Variants in SLC26A8 observed in about 807,000 individuals in gnomAD.
The protein encoded by SLC26A8 is solute carrier family 26 member 8.
A neutral mutation model predicts 105.0 loss-of-function variants in SLC26A8; 70 were observed. That is an observed-to-expected ratio of 0.67 (90% CI 0.55 to 0.81). SLC26A8 has a LOEUF of 0.81. Among genes scored for constraint, SLC26A8 ranks in the 40% least tolerant of loss-of-function variants. The pLI, the probability that SLC26A8 is intolerant of heterozygous loss-of-function variation, is 0.00. For missense variants in SLC26A8, 998 were observed against 1,181.8 expected (o/e 0.84, Z 2.28); for synonymous variants, 415 against 438.3 (o/e 0.95, Z 0.66).
chr6:35,987,164 G>A (rs182830328), intron 7 of SLC26A8, among the ~76,000 whole-genome samples: 90 of 152,342 alleles, frequency 5.9e-4, no homozygotes, highest in African/African-American at 1.9e-3. Flanking sequence ...TCCCAAGGCA[G>A]TATTTTTCAA....
intron 7 of SLC26A8, among the ~76,000 whole-genome samples, chr6:35,991,411 A>AC (rs1474875249): frequency 6.6e-6 from 1 of 152,026 alleles, no homozygotes; most frequent in Non-Finnish European, 1.5e-5. Context: ...CAAAAAAAAA[A>AC]AAAAAAAAAA....
intron 16 of SLC26A8, among the ~76,000 whole-genome samples, chr6:35,959,252 C>G (rs1772213652): frequency 6.6e-6 from 1 of 152,064 alleles, no homozygotes; most frequent in African/African-American, 2.4e-5. Context: ...CTTGTGAAAA[C>G]CTGAACCTCA....
chr6:35,968,976 G>C (rs1193704193), intron 10 of SLC26A8, 22 bp from the exon 11 acceptor site: 7 of 1,607,512 alleles, frequency 4.4e-6, no homozygotes, highest in African/African-American at 1.3e-5. Flanking sequence ...GAGCCAGTTG[G>C]AGAGAAACCA....
In SLC26A8 at chr6:35,947,598, A is replaced by C. The variant is rs181410750; in HGVS notation, c.2473-3258T>G. Among the ~76,000 whole-genome samples the C allele has an allele frequency of 2.0e-3, 308 of 152,310 alleles. 2 individuals carry two copies. Among genetic ancestry groups the C allele is most frequent in the Non-Finnish European group, 5.1e-4 (35 of 68,014 alleles). On this transcript the variant is annotated intron_variant, in intron 19 of 19. Coordinates refer to ENST00000490799, the MANE Select transcript of SLC26A8 (RefSeq NM_052961.4). Reference sequence around the variant, plus strand: ...GTAGCCAAATAATTTAATAAAAACCAATGAGTTTCCTATATGTTAGCAATT... The same window carrying C: ...GTAGCCAAATAATTTAATAAAAACCCATGAGTTTCCTATATGTTAGCAATT...
chr6:35,979,007 A>ATTTTTTTTTTTTTTTTTT (rs34335766), intron 8 of SLC26A8, among the ~76,000 whole-genome samples: 1 of 98,306 alleles, frequency 1.0e-5, no homozygotes, highest in African/African-American at 4.0e-5. Flanking sequence ...CACCTGGCTA[A>ATTTTTTTTTTTTTTTTTT]TTTTTTTTTT....
intron 19 of SLC26A8, among the ~76,000 whole-genome samples, chr6:35,945,885 A>T (rs947185411): frequency 6.6e-6 from 1 of 152,030 alleles, no homozygotes; most frequent in African/African-American, 2.4e-5. Flanking sequence ...CCTCAAAATT[A>T]ATCACTTCAA....
intron 6 of SLC26A8, 106 bp from the exon 7 acceptor site, chr6:35,991,914 T>G (rs1266621903): frequency 8.5e-7 from 1 of 1,182,276 alleles, no homozygotes; most frequent in Non-Finnish European, 1.1e-6. Flanking sequence ...CAAGTAGAGT[T>G]TCTGGGTACA....
chr6:36,023,546 C>CAAAA (rs59633591), intron 1 of SLC26A8, among the ~76,000 whole-genome samples: 1 of 63,516 alleles, frequency 1.6e-5, no homozygotes, highest in African/African-American at 5.7e-5. Flanking sequence ...GACTCTGTCT[C>CAAAA]AAAAAAAAAA....
chr6:36,005,773 A>G (rs1761668364), intron 3 of SLC26A8, among the ~76,000 whole-genome samples: 1 of 152,178 alleles, frequency 6.6e-6, no homozygotes, highest in South Asian at 2.1e-4. Context: ...CCTGTTTCTT[A>G]GTTTGCAAAT....
chr6:35,985,692 CAAAAAAA>C (rs58199602), intron 7 of SLC26A8, among the ~76,000 whole-genome samples: 3 of 46,920 alleles, frequency 6.4e-5, no homozygotes, highest in Non-Finnish European at 7.9e-5. Flanking sequence ...GACTCCGTCT[CAAAAAAA>C]AAAAAAAAAA....
At chr6:35,959,308 G>T in intron 16 of SLC26A8, 152 bp downstream of exon 16, 2 of 838,762 alleles carry the variant, frequency 2.4e-6, no homozygotes, top group Non-Finnish European at 1.7e-6. Flanking sequence ...CCTCCAAGGT[G>T]AGAGGAACCT....
intron 3 of SLC26A8, among the ~76,000 whole-genome samples, chr6:36,009,940 T>C (rs1368226924): frequency 6.6e-6 from 1 of 152,180 alleles, no homozygotes; most frequent in Non-Finnish European, 1.5e-5. Flanking sequence ...TTTAAAAATA[T>C]TGACAATATC....
rs1423266005 is a variant in SLC26A8 at position 35,951,347 on chromosome 6, G to T, written c.2288C>A (p.Ser763Tyr). Residue 763 changes from serine (S) to tyrosine (Y), a missense_variant and splice_region_variant, in exon 19 of 20, where the codon TCT (serine) becomes TAT (tyrosine). Ser to Tyr is a moderately radical substitution (Grantham distance 144, BLOSUM62 -2). Transcript: ENST00000490799. ...NILILIAGCH[S>Y]SIVRAFERND... ...CCTCTCAAATGCCCTGACTATGGAA[G>T]CTAAAAACCAAACCCAGAACACACA... The T allele has an allele frequency of 6.2e-7, 1 of 1,614,080 alleles. No individual in the cohort carries two copies. The highest frequency in any genetic ancestry group is 8.5e-7 in the Non-Finnish European group (1 of 1,180,022).
At chr6:35,971,660 A>G (rs1041639941) in intron 10 of SLC26A8, among the ~76,000 whole-genome samples, 9 of 152,292 alleles carry the variant, frequency 5.9e-5, no homozygotes, top group African/African-American at 1.9e-4. Flanking sequence ...AGCAAAATTA[A>G]TTTGCCCAAG....
At chr6:35,990,243 C>A in intron 7 of SLC26A8, 1 of 194,728 alleles carries the variant, frequency 5.1e-6, no homozygotes. Context: ...GGCCTCTGCT[C>A]TGTGGTTCTT....
rs1179581029 is a variant in SLC26A8, at chr6:35,951,615, T to G, written c.2233-116A>C. On this transcript the variant is annotated intron_variant, in intron 17 of 19. Coordinates refer to ENST00000490799, the MANE Select transcript of SLC26A8 (RefSeq NM_052961.4). ...GGTTTTTTGTGACAGAGTCTCACTC[T>G]GTCACCCAGATGGAGTGCAGTGGCA... The G allele has an allele frequency of 7.6e-6, 8 of 1,055,172 alleles. No homozygotes were observed. The African/African-American group carries it at 1.2e-4, about 16-fold the overall frequency. The allele number at this position is 1,055,172 out of a possible 1,614,324, so 65.4% of individuals were successfully genotyped here.
intron 3 of SLC26A8, among the ~76,000 whole-genome samples, chr6:36,004,237 T>C (rs1291783371): frequency 6.6e-6 from 1 of 151,646 alleles, no homozygotes; most frequent in Non-Finnish European, 1.5e-5. Context: ...ACCATGCCCA[T>C]CTAGATTTTT....
intron 10 of SLC26A8, among the ~76,000 whole-genome samples, chr6:35,974,474 T>A (rs1772919445): frequency 1.3e-5 from 2 of 152,244 alleles, no homozygotes; most frequent in South Asian, 4.1e-4. Flanking sequence ...TGACTCAGAA[T>A]ACCTGCAGAA....
intron 19 of SLC26A8, among the ~76,000 whole-genome samples, chr6:35,947,863 C>T (rs561408267): frequency 6.6e-6 from 1 of 151,968 alleles, no homozygotes; most frequent in Non-Finnish European, 1.5e-5. Flanking sequence ...CCTGAGAGGC[C>T]GAGGCTGTGG....
Sources: gnomAD v4.1 joint callset for allele counts (sites outside exome capture counted in the v4.1 genomes callset) on GRCh38, gnomAD v4.1.1 for gene constraint, MANE v1.5 for transcripts, NCBI Gene and HGNC (gene_info 2026-07-23, HGNC 2026-07-21) for gene names.